The following WDPCP variants were observed in gnomAD, a reference collection of about 807,000 sequenced individuals.
WDPCP encodes the protein WD repeat containing planar cell polarity effector, also known as WD repeat-containing and planar cell polarity effector protein fritz homolog.
In WDPCP, 71 loss-of-function variants were observed where a neutral mutation model predicts 93.1. The observed-to-expected ratio is 0.76, with a 90% CI of 0.63 to 0.93. The LOEUF (loss-of-function observed/expected upper bound fraction) is 0.93, where lower values mean the gene tolerates loss of function less well. Ranked by LOEUF, WDPCP falls within the 40% of genes least tolerant of loss-of-function variation. The probability of loss-of-function intolerance (pLI) is 0.00; values close to 1 mark genes in which losing one functional copy is unlikely to be tolerated. For synonymous variants in WDPCP, 315 were observed against 315.0 expected, an observed-to-expected ratio of 1.00 and a Z score of 0.00; for missense variants, 844 against 887.4, an observed-to-expected ratio of 0.95 and a Z score of 0.62.
At chr2:63,605,786 C>G in intron 3 of WDPCP, 1 of 677,320 alleles carries the variant, frequency 1.5e-6, no homozygotes. Flanking sequence ...TGAAAGTTAC[C>G]TTGTCACCAG....
At chr2:63,650,579 T>C (rs1202257691) in intron 3 of WDPCP, 2 of 152,320 alleles carry the variant, frequency 1.3e-5, no homozygotes, top group African/African-American at 4.8e-5. Context: ...AAATATGTTC[T>C]TAGTATGACT....
At chr2:63,358,690 C>G (rs1407075073) in intron 12 of WDPCP, among the ~76,000 whole-genome samples, 1 of 152,260 alleles carries the variant, frequency 6.6e-6, no homozygotes, top group South Asian at 2.1e-4. Context: ...CTAGTTGCCT[C>G]AAGCAATCTT....
At chr2:63,718,231 T>C (rs888422763) in intron 2 of WDPCP, among the ~76,000 whole-genome samples, 3 of 152,136 alleles carry the variant, frequency 2.0e-5, no homozygotes, top group Non-Finnish European at 4.4e-5. Flanking sequence ...GGTGCAAATA[T>C]CTTTTTTATA....
intron 1 of WDPCP, among the ~76,000 whole-genome samples, chr2:63,558,527 C>CAAAAAAA (rs57582852): frequency 2.1e-5 from 3 of 143,250 alleles, no homozygotes; most frequent in Non-Finnish European, 4.7e-5. Context: ...GACTCTGTCT[C>CAAAAAAA]AAAAAAAAAA....
chr2:63,800,917 G>T (rs1007908414), intron 2 of WDPCP, among the ~76,000 whole-genome samples: 3 of 152,004 alleles, frequency 2.0e-5, no homozygotes, highest in African/African-American at 7.2e-5. Flanking sequence ...AGCCAGGCAT[G>T]GTGGTGTGTG....
At chr2:63,605,521 C>A in intron 3 of WDPCP, 1 of 688,924 alleles carries the variant, frequency 1.5e-6, no homozygotes, top group East Asian at 2.7e-5. Flanking sequence ...TGCCTATTAA[C>A]AAGTAAACTT....
chr2:63,601,452 C>G (rs910824588), intron 3 of WDPCP, among the ~76,000 whole-genome samples: 1 of 152,088 alleles, frequency 6.6e-6, no homozygotes, highest in Non-Finnish European at 1.5e-5. Context: ...GACAATGATA[C>G]CAGTTAGCTT....
chr2:63,392,388 A>G (rs1262912619), intron 10 of WDPCP, among the ~76,000 whole-genome samples: 3 of 152,238 alleles, frequency 2.0e-5, no homozygotes, highest in Admixed American at 2.0e-4. Context: ...AGTTAATTCA[A>G]GATGGATCAA....
chr2:63,708,589 C>T (rs1669207569), intron 2 of WDPCP, among the ~76,000 whole-genome samples: 1 of 152,146 alleles, frequency 6.6e-6, no homozygotes, highest in Admixed American at 6.5e-5. Flanking sequence ...TGAGGCGATG[C>T]CTCGCCCTGC....
At chr2:63,567,877 A>C (rs1425511482) in intron 1 of WDPCP, among the ~76,000 whole-genome samples, 1 of 152,224 alleles carries the variant, frequency 6.6e-6, no homozygotes, top group African/African-American at 2.4e-5. Context: ...AACTCATTGA[A>C]TAAATAATTT....
intron 12 of WDPCP, among the ~76,000 whole-genome samples, chr2:63,335,635 T>C (rs1437284786): frequency 6.6e-6 from 1 of 152,076 alleles, no homozygotes; most frequent in African/African-American, 2.4e-5. Flanking sequence ...TGTAGAAAAA[T>C]GCTACTGTTT....
At chr2:63,137,221 TTG>T (rs1208559417) in intron 17 of WDPCP, among the ~76,000 whole-genome samples, 1 of 148,422 alleles carries the variant, frequency 6.7e-6, no homozygotes, top group Non-Finnish European at 1.5e-5. Flanking sequence ...CCATCATCTG[TTG>T]TTGTTGTTGT....
At chr2:63,244,609 A>G (rs1449383657) in intron 14 of WDPCP, among the ~76,000 whole-genome samples, 1 of 152,184 alleles carries the variant, frequency 6.6e-6, no homozygotes, top group Non-Finnish European at 1.5e-5. Flanking sequence ...CAAACTGGAA[A>G]ATCTAGAGGA....
At chr2:63,339,466 C>A (rs1688681697) in intron 12 of WDPCP, among the ~76,000 whole-genome samples, 1 of 152,210 alleles carries the variant, frequency 6.6e-6, no homozygotes, top group Non-Finnish European at 1.5e-5. Context: ...AGCCACCGTG[C>A]ACAGCCTGAT....
intron 2 of WDPCP, among the ~76,000 whole-genome samples, chr2:63,709,551 C>T (rs1472153898): frequency 6.6e-6 from 1 of 152,196 alleles, no homozygotes; most frequent in Non-Finnish European, 1.5e-5. Context: ...ACTTCCACCC[C>T]AAGGCCTGCT....
intron 9 of WDPCP, among the ~76,000 whole-genome samples, chr2:63,411,231 C>T (rs561441246): frequency 6.8e-4 from 103 of 152,220 alleles, no homozygotes; most frequent in Non-Finnish European, 9.7e-4. Flanking sequence ...CCAAAAGGAA[C>T]CTTCAAAACC....
intron 4 of WDPCP, 140 bp downstream of exon 4, chr2:63,486,402 C>T (rs1700576423): frequency 4.5e-6 from 3 of 671,576 alleles, no homozygotes; most frequent in Non-Finnish European, 7.6e-6. Context: ...ACAATTGTTA[C>T]TTATATGTTT....
chr2:63,294,859 T>A (rs1391776084), intron 13 of WDPCP, among the ~76,000 whole-genome samples: 1 of 152,310 alleles, frequency 6.6e-6, no homozygotes, highest in African/African-American at 2.4e-5. Flanking sequence ...TTTTAAAAAT[T>A]ATGAGTCTAA....
intron 14 of WDPCP, among the ~76,000 whole-genome samples, chr2:63,235,071 G>A (rs969251493): frequency 6.6e-5 from 10 of 152,050 alleles, no homozygotes; most frequent in African/African-American, 2.4e-4. Context: ...TTCTTTGAAA[G>A]GCTAAGCAGG....
Sources: allele counts gnomAD v4.1 joint callset (sites outside exome capture counted in the v4.1 genomes callset), GRCh38; gene constraint gnomAD v4.1.1; transcripts MANE v1.5; gene names NCBI Gene and HGNC (gene_info 2026-07-23, HGNC 2026-07-21).